The following PEX7 variants were observed in gnomAD, a reference collection of about 807,000 sequenced individuals.
PEX7 encodes PTS2 receptor.
In PEX7, 34 loss-of-function variants were observed where a neutral mutation model predicts 47.5. The ratio of observed to expected loss-of-function variants is 0.72; its 90% confidence interval spans 0.54 to 0.95. The LOEUF (loss-of-function observed/expected upper bound fraction) is 0.95. Ranked by LOEUF, PEX7 falls within the 40% of genes least tolerant of loss-of-function variation. The pLI is 0.00. For synonymous variants in PEX7, 141 were observed against 148.8 expected (o/e 0.95, Z 0.38); for missense variants, 394 against 400.3 (o/e 0.98, Z 0.13).
intron 8 of PEX7, among the ~76,000 whole-genome samples, chr6:136,872,780 G>C (rs993699306): frequency 2.6e-5 from 4 of 151,988 alleles, no homozygotes; most frequent in African/African-American, 9.7e-5. Flanking sequence ...ATACCACAGA[G>C]GATTTATTTT....
chr6:136,849,274 C>G (rs950392486), intron 5 of PEX7, among the ~76,000 whole-genome samples: 2 of 151,966 alleles, frequency 1.3e-5, no homozygotes, highest in African/African-American at 4.8e-5. Flanking sequence ...AGTGGTCTAT[C>G]AATTTTGTTG....
intron 3 of PEX7, chr6:136,829,976 A>G (rs1278668191): frequency 1.4e-6 from 1 of 700,868 alleles, no homozygotes; most frequent in Non-Finnish European, 2.6e-6. Context: ...TAATGAACAT[A>G]GCCAATTTCT....
At chr6:136,862,019 TTATA>T (rs201482776) in intron 5 of PEX7, among the ~76,000 whole-genome samples, 1 of 143,378 alleles carries the variant, frequency 7.0e-6, no homozygotes, top group Non-Finnish European at 1.5e-5. Flanking sequence ...TTTTCTGTAT[TTATA>T]TATATATATT....
At chr6:136,848,411 A>G (rs369200277) in intron 5 of PEX7, among the ~76,000 whole-genome samples, 6 of 151,958 alleles carry the variant, frequency 3.9e-5, no homozygotes, top group East Asian at 1.9e-4. Context: ...GGGCATCCCT[A>G]TCTTGTGCCA....
chr6:136,848,243 C>A (rs1486548654), intron 5 of PEX7, among the ~76,000 whole-genome samples: 1 of 152,192 alleles, frequency 6.6e-6, no homozygotes, highest in Non-Finnish European at 1.5e-5. Context: ...AGATTTTGGG[C>A]TGAGACGGTG....
chr6:136,887,674 A>G (rs1172689074), intron 8 of PEX7, among the ~76,000 whole-genome samples: 2 of 152,228 alleles, frequency 1.3e-5, no homozygotes, highest in South Asian at 2.1e-4. Context: ...GACAAAGGAC[A>G]TACGGGTGTT....
intron 8 of PEX7, among the ~76,000 whole-genome samples, chr6:136,884,022 A>G (rs538834255): frequency 2.0e-5 from 3 of 152,350 alleles, no homozygotes; most frequent in African/African-American, 4.8e-5. Flanking sequence ...TAGTGATTGC[A>G]TATTCCAATA....
At chr6:136,868,220 C>T (rs1046765628) in intron 6 of PEX7, among the ~76,000 whole-genome samples, 2 of 152,152 alleles carry the variant, frequency 1.3e-5, no homozygotes, top group East Asian at 1.9e-4. Flanking sequence ...GTGATGTTCA[C>T]GCAAAGATGA....
intron 5 of PEX7, among the ~76,000 whole-genome samples, chr6:136,864,026 G>A (rs9373174): frequency 0.64 from 97,013 of 151,946 alleles, 31,098 homozygotes; most frequent in African/African-American, 0.69. Context: ...CAGACTCCTT[G>A]GGTTCTGGTT....
chr6:136,830,665 A>G (rs1044318122), intron 3 of PEX7, among the ~76,000 whole-genome samples: 11 of 152,246 alleles, frequency 7.2e-5, no homozygotes, highest in African/African-American at 2.7e-4. Context: ...GAAAAATAAG[A>G]GTGAATTGAC....
intron 8 of PEX7, among the ~76,000 whole-genome samples, chr6:136,884,232 A>G (rs1165716732): frequency 6.6e-6 from 1 of 152,192 alleles, no homozygotes; most frequent in Non-Finnish European, 1.5e-5. Flanking sequence ...CACTGATTGG[A>G]AAGGTCAGAA....
At chr6:136,902,768 C>T (rs137866759) in intron 9 of PEX7, among the ~76,000 whole-genome samples, 1 of 152,222 alleles carries the variant, frequency 6.6e-6, no homozygotes, top group African/African-American at 2.4e-5. Flanking sequence ...TCTGCAGTAT[C>T]AATTCTGCTC....
At chr6:136,858,110 C>G (rs1774894284) in intron 5 of PEX7, among the ~76,000 whole-genome samples, 1 of 152,230 alleles carries the variant, frequency 6.6e-6, no homozygotes, top group Non-Finnish European at 1.5e-5. Flanking sequence ...AGCCACTGCA[C>G]CCGACCTTAA....
intron 8 of PEX7, among the ~76,000 whole-genome samples, chr6:136,874,903 G>A (rs955192533): frequency 3.9e-5 from 6 of 152,076 alleles, no homozygotes; most frequent in African/African-American, 1.2e-4. Flanking sequence ...ACTTTGGGAG[G>A]CTGAGGCGGG....
chr6:136,825,484 G>C (rs1774171128), intron 2 of PEX7, among the ~76,000 whole-genome samples: 2 of 152,114 alleles, frequency 1.3e-5, no homozygotes, highest in African/African-American at 4.8e-5. Context: ...CTTGAGGCCG[G>C]GAGTTCAAGA....
chr6:136,880,065 A>T (rs1014191109), intron 8 of PEX7, among the ~76,000 whole-genome samples: 15 of 148,828 alleles, frequency 1.0e-4, no homozygotes, highest in African/African-American at 3.4e-4. Flanking sequence ...ATGTCCCTAA[A>T]TGCTTGCTTG....
At chr6:136,909,753 G>C (rs1056788577) in intron 9 of PEX7, among the ~76,000 whole-genome samples, 1 of 152,156 alleles carries the variant, frequency 6.6e-6, no homozygotes. Flanking sequence ...ATCCAATTAA[G>C]TATAGATTTA....
intron 3 of PEX7, among the ~76,000 whole-genome samples, chr6:136,840,828 C>A (rs1266105559): frequency 1.3e-5 from 2 of 152,144 alleles, no homozygotes; most frequent in Non-Finnish European, 2.9e-5. Context: ...TCTCTGTAAC[C>A]TGAGCCTTTC....
At chr6:136,827,615 C>T (rs1377414803) in intron 3 of PEX7, among the ~76,000 whole-genome samples, 1 of 150,868 alleles carries the variant, frequency 6.6e-6, no homozygotes, top group East Asian at 2.0e-4. Context: ...GCAACCTCCA[C>T]CTTCTGGAAT....
Sources: allele counts gnomAD v4.1 joint callset (sites outside exome capture counted in the v4.1 genomes callset), GRCh38; gene constraint gnomAD v4.1.1; transcripts MANE v1.5; gene names NCBI Gene and HGNC (gene_info 2026-07-23, HGNC 2026-07-21).